ASIC2: variants seen among roughly 807,000 people sequenced by gnomAD.
ASIC2 encodes acid sensing ion channel subunit 2, also known as acid-sensing ion channel 2.
In ASIC2, 25 loss-of-function variants were observed where a neutral mutation model predicts 57.3. That is an observed-to-expected ratio of 0.44 (90% CI 0.32 to 0.61). ASIC2 has a LOEUF of 0.61. Ranked by LOEUF, ASIC2 falls within the 20% of genes least tolerant of loss-of-function variation. The pLI is 0.06. For synonymous variants in ASIC2, 319 were observed against 307.5 expected, an observed-to-expected ratio of 1.04 and a Z score of -0.39; for missense variants, 641 against 738.1, an observed-to-expected ratio of 0.87 and a Z score of 1.52.
At chr17:33,566,788 G>C (rs559914170) in intron 1 of ASIC2, among the ~76,000 whole-genome samples, 2 of 152,172 alleles carry the variant, frequency 1.3e-5, no homozygotes, top group South Asian at 4.1e-4. Context: ...CCCATTCCCT[G>C]GCATGACACA....
intron 1 of ASIC2, among the ~76,000 whole-genome samples, chr17:33,319,867 T>C (rs889931651): frequency 1.2e-4 from 19 of 152,236 alleles, no homozygotes; most frequent in Non-Finnish European, 1.8e-4. Flanking sequence ...CAGTAAATTA[T>C]TGTTGACTAT....
chr17:33,506,152 C>T (rs1010686125), intron 1 of ASIC2, among the ~76,000 whole-genome samples: 30 of 148,686 alleles, frequency 2.0e-4, no homozygotes, highest in South Asian at 6.4e-4. Context: ...CCCAGCACTT[C>T]GGGAGGCCGA....
intron 1 of ASIC2, chr17:34,069,667 A>G (rs1206754456): frequency 6.6e-6 from 1 of 152,350 alleles, no homozygotes; most frequent in Non-Finnish European, 1.5e-5. Context: ...GAGAGGGAGG[A>G]GAAAGAGGGA....
chr17:33,287,153 T>G (rs961665730), intron 1 of ASIC2, among the ~76,000 whole-genome samples: 2 of 152,220 alleles, frequency 1.3e-5, no homozygotes, highest in Non-Finnish European at 1.5e-5. Context: ...TGTCCAGGCA[T>G]GTGCCAGTTA....
intron 1 of ASIC2, among the ~76,000 whole-genome samples, chr17:33,663,629 T>C (rs1597826740): frequency 6.6e-6 from 1 of 152,140 alleles, no homozygotes; most frequent in East Asian, 1.9e-4. Context: ...CAGGGCTGAG[T>C]TGAACTGTAT....
intron 1 of ASIC2, among the ~76,000 whole-genome samples, chr17:33,180,186 C>T (rs1311417168): frequency 6.6e-6 from 1 of 152,182 alleles, no homozygotes; most frequent in African/African-American, 2.4e-5. Flanking sequence ...ACTTGGCCAA[C>T]AATGGTTCTA....
intron 1 of ASIC2, among the ~76,000 whole-genome samples, chr17:33,560,360 G>T (rs1016593464): frequency 3.9e-5 from 6 of 152,212 alleles, no homozygotes; most frequent in Non-Finnish European, 8.8e-5. Context: ...GACAGTAGAG[G>T]AAATGACTAA....
upstream of ASIC2, among the ~76,000 whole-genome samples, chr17:33,296,070 C>T (rs1266875235): frequency 6.6e-6 from 1 of 152,060 alleles, no homozygotes; most frequent in Non-Finnish European, 1.5e-5. Context: ...GGGCTTCCCC[C>T]CTCCATCATA....
At chr17:33,342,323 CATGTGTGTGTGTACGT>C (rs1222438563) in intron 1 of ASIC2, among the ~76,000 whole-genome samples, 2 of 90,456 alleles carry the variant, frequency 2.2e-5, no homozygotes, top group Non-Finnish European at 2.4e-5. Context: ...TGTGTGTGTA[CATGTGTGTGTGTACGT>C]GTGTGTGTGT....
chr17:34,014,214 GGTAA>G, intron 1 of ASIC2, among the ~76,000 whole-genome samples: 1 of 152,272 alleles, frequency 6.6e-6, no homozygotes, highest in Admixed American at 6.5e-5. Context: ...AACTAAATGA[GGTAA>G]GTAATGCTTT....
intron 3 of ASIC2, among the ~76,000 whole-genome samples, chr17:33,042,001 G>T (rs1167381530): frequency 6.6e-6 from 1 of 152,038 alleles, no homozygotes; most frequent in Admixed American, 6.5e-5. Context: ...TTTCTGTCTT[G>T]CCCCACCCAG....
chr17:33,334,645 G>T (rs1471533257), intron 1 of ASIC2, among the ~76,000 whole-genome samples: 3 of 152,190 alleles, frequency 2.0e-5, no homozygotes, highest in African/African-American at 7.2e-5. Context: ...ACAGAAGAGG[G>T]GAGATAGGTA....
intron 1 of ASIC2, among the ~76,000 whole-genome samples, chr17:33,782,968 C>A (rs1047046897): frequency 1.3e-5 from 2 of 152,232 alleles, no homozygotes; most frequent in Non-Finnish European, 2.9e-5. Flanking sequence ...TTTGCACCTG[C>A]TGTTCTCTCT....
chr17:33,702,564 A>T (rs1367324814), intron 1 of ASIC2, among the ~76,000 whole-genome samples: 1 of 152,186 alleles, frequency 6.6e-6, no homozygotes, highest in Non-Finnish European at 1.5e-5. Flanking sequence ...TCCAAAAGGA[A>T]AAAAGGCCTT....
chr17:33,929,265 T>G lies in ASIC2; in HGVS notation c.555+226713A>C, dbSNP rs147768991. Among the ~76,000 whole-genome samples, 32 of 152,246 alleles carry G rather than the reference T, an allele frequency of 2.1e-4. No individual in the cohort carries two copies. In the East Asian group the frequency reaches 5.6e-3, roughly 27 times the overall value. ...TGCCTTGCCCTGCCCTCCCAGCCAC[T>G]GCCCCCGACCGAGCTGTTTACATGG... On this transcript the variant is annotated intron_variant, in intron 1 of 9. Coordinates refer to the ASIC2 transcript ENST00000359872.
intron 1 of ASIC2, among the ~76,000 whole-genome samples, chr17:33,310,702 A>G (rs1311756633): frequency 6.6e-6 from 1 of 152,210 alleles, no homozygotes; most frequent in Non-Finnish European, 1.5e-5. Context: ...GTACTCATAT[A>G]GAGTCCAAGA....
intron 1 of ASIC2, among the ~76,000 whole-genome samples, chr17:33,446,450 GAGA>G (rs1410541225): frequency 6.6e-6 from 1 of 152,084 alleles, no homozygotes; most frequent in Admixed American, 6.5e-5. Flanking sequence ...CTAAATTTGA[GAGA>G]AGGTCACTGG....
chr17:33,206,437 CTT>C (rs1282488577), intron 1 of ASIC2, among the ~76,000 whole-genome samples: 1 of 152,130 alleles, frequency 6.6e-6, no homozygotes, highest in Non-Finnish European at 1.5e-5. Flanking sequence ...AGGGTGAAGC[CTT>C]TGGACTAATG....
intron 1 of ASIC2, among the ~76,000 whole-genome samples, chr17:33,720,501 C>A (rs1909355508): frequency 6.6e-6 from 1 of 152,154 alleles, no homozygotes; most frequent in South Asian, 2.1e-4. Flanking sequence ...CATGTACTGA[C>A]TCAGAGATTC....
Sources: gnomAD v4.1 joint callset for allele counts (sites outside exome capture counted in the v4.1 genomes callset) on GRCh38, gnomAD v4.1.1 for gene constraint, MANE v1.5 for transcripts, NCBI Gene and HGNC (gene_info 2026-07-23, HGNC 2026-07-21) for gene names.